TMEM132D: variants seen among roughly 807,000 people sequenced by gnomAD.
TMEM132D encodes the protein mature OL transmembrane protein.
A neutral mutation model predicts 62.3 loss-of-function variants in TMEM132D; 21 were observed. The ratio of observed to expected loss-of-function variants is 0.34; its 90% CI spans 0.24 to 0.49. The LOEUF (loss-of-function observed/expected upper bound fraction) is 0.49. Ranked by LOEUF, TMEM132D falls within the 20% of genes least tolerant of loss-of-function variation. The pLI is 0.99. For synonymous variants in TMEM132D, 621 were observed against 575.6 expected, an observed-to-expected ratio of 1.08 and a Z score of -1.13; for missense variants, 1,346 against 1,402.8, an observed-to-expected ratio of 0.96 and a Z score of 0.65.
chr12:129,288,846 T>TGAGTAG (rs1352572481), intron 4 of TMEM132D, among the ~76,000 whole-genome samples: 1 of 152,194 alleles, frequency 6.6e-6, no homozygotes, highest in Non-Finnish European at 1.5e-5. Context: ...CATCAGTGAA[T>TGAGTAG]GAGTAGATGA....
intron 1 of TMEM132D, among the ~76,000 whole-genome samples, chr12:129,761,414 C>T (rs943593126): frequency 6.6e-6 from 1 of 152,106 alleles, no homozygotes; most frequent in Non-Finnish European, 1.5e-5. Context: ...TCACTGCCCA[C>T]AGAGCTATGA....
At chr12:129,730,167 C>G (rs1035540718) in intron 1 of TMEM132D, among the ~76,000 whole-genome samples, 2 of 152,134 alleles carry the variant, frequency 1.3e-5, no homozygotes, top group South Asian at 2.1e-4. Flanking sequence ...TCATATTTTT[C>G]CCTCCTAGTC....
chr12:129,687,293 C>A (rs1369706567), intron 2 of TMEM132D, among the ~76,000 whole-genome samples: 1 of 152,156 alleles, frequency 6.6e-6, no homozygotes, highest in East Asian at 1.9e-4. Context: ...AATGTCAAAT[C>A]TCCTTTTTTG....
At chr12:129,608,672 G>A (rs1249661402) in intron 2 of TMEM132D, among the ~76,000 whole-genome samples, 1 of 152,184 alleles carries the variant, frequency 6.6e-6, no homozygotes, top group Non-Finnish European at 1.5e-5. Context: ...CTCTTTTAAT[G>A]GGTAAGCCCA....
chr12:129,889,180 G>T (rs1383182222), intron 1 of TMEM132D, among the ~76,000 whole-genome samples: 1 of 152,128 alleles, frequency 6.6e-6, no homozygotes, highest in Non-Finnish European at 1.5e-5. Context: ...ATCAAGCCTT[G>T]CCTGATGCCA....
chr12:129,576,200 C>G (rs570149642), intron 2 of TMEM132D, among the ~76,000 whole-genome samples: 2 of 151,920 alleles, frequency 1.3e-5, no homozygotes, highest in Non-Finnish European at 2.9e-5. Context: ...TGACCATCTC[C>G]GCGATAATGC....
intron 2 of TMEM132D, among the ~76,000 whole-genome samples, chr12:129,635,554 A>G (rs1358291876): frequency 6.6e-6 from 1 of 152,232 alleles, no homozygotes; most frequent in Non-Finnish European, 1.5e-5. Flanking sequence ...TCCCCAGTGC[A>G]TGCCTTTACT....
intron 3 of TMEM132D, among the ~76,000 whole-genome samples, chr12:129,408,513 G>A (rs984673633): frequency 6.6e-6 from 1 of 150,566 alleles, no homozygotes; most frequent in Admixed American, 6.6e-5. Context: ...CTTTAGCAAA[G>A]TTGGGGAGTG....
intron 2 of TMEM132D, among the ~76,000 whole-genome samples, chr12:129,686,344 G>A (rs976556040): frequency 1.3e-5 from 2 of 152,172 alleles, no homozygotes; most frequent in Non-Finnish European, 2.9e-5. Flanking sequence ...ATGATAGTGA[G>A]TGAGTTCTCA....
At chr12:129,655,723 G>A (rs1287327992) in intron 2 of TMEM132D, among the ~76,000 whole-genome samples, 1 of 151,994 alleles carries the variant, frequency 6.6e-6, no homozygotes, top group African/African-American at 2.4e-5. Context: ...TCATTGGCTG[G>A]AGGGCTGCAA....
intron 1 of TMEM132D, among the ~76,000 whole-genome samples, chr12:129,763,551 C>T (rs1160534348): frequency 6.6e-6 from 1 of 151,848 alleles, no homozygotes; most frequent in Admixed American, 6.6e-5. Context: ...GCTTGCTTCA[C>T]TCCATGGGTA....
intron 3 of TMEM132D, among the ~76,000 whole-genome samples, chr12:129,482,105 A>T (rs535518602): frequency 2.0e-5 from 3 of 152,344 alleles, no homozygotes; most frequent in South Asian, 4.1e-4. Context: ...GGTCCCAGCC[A>T]TATGACTCTA....
intron 4 of TMEM132D, among the ~76,000 whole-genome samples, chr12:129,246,599 T>TC (rs1335763682): frequency 6.6e-6 from 1 of 151,680 alleles, no homozygotes; most frequent in African/African-American, 2.4e-5. Flanking sequence ...CTTCTAAAAA[T>TC]ACAAAAATGA....
chr12:129,343,126 T>C (rs11060265), intron 3 of TMEM132D, among the ~76,000 whole-genome samples: 36,857 of 152,052 alleles, frequency 0.24, 5,027 homozygotes, highest in East Asian at 0.58. Context: ...CACATGCACA[T>C]GTATGTTTAT....
chr12:129,186,736 G>T (rs11060189), intron 5 of TMEM132D, among the ~76,000 whole-genome samples: 1 of 152,036 alleles, frequency 6.6e-6, no homozygotes, highest in Non-Finnish European at 1.5e-5. Context: ...AACAGTGCCA[G>T]GATCAGAACA....
intron 3 of TMEM132D, among the ~76,000 whole-genome samples, chr12:129,428,617 A>G (rs1249408659): frequency 6.6e-6 from 1 of 152,236 alleles, no homozygotes; most frequent in African/African-American, 2.4e-5. Flanking sequence ...GCTGAGAAAT[A>G]TATTAGCAAG....
At chr12:129,817,023 C>G (rs139637415) in intron 1 of TMEM132D, among the ~76,000 whole-genome samples, 1 of 152,168 alleles carries the variant, frequency 6.6e-6, no homozygotes, top group African/African-American at 2.4e-5. Context: ...AGTTTAATAA[C>G]TAGCTGGCAT....
chr12:129,578,424 GTATATATA>G (rs1555219553), intron 2 of TMEM132D, among the ~76,000 whole-genome samples: 1 of 150,520 alleles, frequency 6.6e-6, no homozygotes, highest in African/African-American at 2.4e-5. Flanking sequence ...GTGTGTGTGT[GTATATATA>G]TATATGTATG....
chr12:129,809,467 G>C (rs947737918), intron 1 of TMEM132D, among the ~76,000 whole-genome samples: 6 of 152,046 alleles, frequency 3.9e-5, no homozygotes, highest in Admixed American at 3.9e-4. Flanking sequence ...GAGTCAGTGC[G>C]TGAGGGGTTT....
Sources: allele counts gnomAD v4.1 joint callset (sites outside exome capture counted in the v4.1 genomes callset), GRCh38; gene constraint gnomAD v4.1.1; transcripts MANE v1.5; gene names NCBI Gene and HGNC (gene_info 2026-07-23, HGNC 2026-07-21).